The following VSX2 variants were observed in gnomAD, a reference collection of about 807,000 sequenced individuals.
The protein encoded by VSX2 is visual system homeobox 2.
In VSX2, 28 loss-of-function variants were observed where a neutral mutation model predicts 32.1. That is an observed-to-expected ratio of 0.87 (90% CI 0.65 to 1.20). VSX2 has a LOEUF of 1.20. VSX2 is among the 50% of genes most tolerant of loss of function. The pLI, the probability that VSX2 is intolerant of heterozygous loss-of-function variation, is 0.00. For synonymous variants in VSX2, 243 were observed against 214.1 expected, an observed-to-expected ratio of 1.14 and a Z score of -1.18; for missense variants, 506 against 488.7, an observed-to-expected ratio of 1.04 and a Z score of -0.33.
intron 3 of VSX2, among the ~76,000 whole-genome samples, chr14:74,252,000 C>CA (rs2079231975): frequency 6.6e-6 from 1 of 152,192 alleles, no homozygotes; most frequent in South Asian, 2.1e-4. Flanking sequence ...CTGTCATGCA[C>CA]AATGTCTCCT....
intron 3 of VSX2, among the ~76,000 whole-genome samples, chr14:74,252,353 C>G (rs1231499904): frequency 6.6e-6 from 1 of 151,944 alleles, no homozygotes; most frequent in African/African-American, 2.4e-5. Context: ...CAACTGTGGA[C>G]AGCCACAGTC....
rs115396145 is a variant in VSX2 at position 74,261,180 on chromosome 14, G to T, written c.*261G>T. 2,334 of 540,440 alleles carry T rather than the reference G, an allele frequency of 4.3e-3. 40 individuals carry two copies. Among genetic ancestry groups the T allele is most frequent in the African/African-American group, 0.038 (2,041 of 53,208 alleles). 33.5% of individuals were successfully genotyped at this position (540,440 alleles called of 1,614,324 possible). ...CTTGCTGCCCACAACGTCCCCTCAA[G>T]CCCCTTCTCTCAATCCCTTTGCAAC... On this transcript the variant is annotated 3_prime_UTR_variant, in exon 5 of 5. Coordinates refer to ENST00000261980, the MANE Select transcript of VSX2 (RefSeq NM_182894.3).
At position 74,245,274 on chromosome 14, in the gene VSX2, G is replaced by A. The variant is rs2079185053; in HGVS notation, c.565G>A (p.Glu189Lys). ...EMLAMKTELP[E>K]DRIQVWFQNR... The stretch of plus-strand genomic sequence containing the variant: ...GCTGGCCATGAAAACGGAGCTGCCG[G>A]AAGACAGGATACAGGTAACAGCCCT... The change falls in exon 3 of 5, where the codon GAA becomes AAA. Residue 189 changes from glutamate (E) to lysine (K), a missense_variant. Transcript: ENST00000261980. 6.2e-7 allele frequency: 1 copy of A among 1,613,386 alleles called. No individual in the cohort carries two copies. The highest frequency in any genetic ancestry group is 8.5e-7 in the Non-Finnish European group (1 of 1,179,842).
chr14:74,239,984 C>G, intron 1 of VSX2, 53 bp downstream of exon 1: 1 of 1,537,136 alleles, frequency 6.5e-7, no homozygotes, highest in Admixed American at 2.0e-5. Flanking sequence ...CAGCCGGGAG[C>G]CCCGCGCCGT....
chr14:74,240,232 G>A lies in VSX2; in HGVS notation c.370+301G>A, dbSNP rs115164944. Among the ~76,000 whole-genome samples the A allele has an allele frequency of 5.4e-3, 820 of 152,308 alleles. 10 individuals carry two copies. Among genetic ancestry groups the A allele is most frequent in the African/African-American group, 0.019 (771 of 41,570 alleles). On this transcript the variant is annotated intron_variant, in intron 1 of 4. Transcript: ENST00000261980. ...CACTGAAAACTGGGTTTGGGGTGTC[G>A]GAGCCCGTGGTGCAGAGTCGCCGGC...
chr14:74,244,929 T>TGTGG (rs1555387789), intron 2 of VSX2, among the ~76,000 whole-genome samples: 1 of 38,852 alleles, frequency 2.6e-5, no homozygotes, highest in Non-Finnish European at 6.4e-5. Context: ...TGTGTGTGTG[T>TGTGG]GAAAGAGAGA....
intron 2 of VSX2, among the ~76,000 whole-genome samples, chr14:74,242,409 G>A (rs908313167): frequency 6.6e-6 from 1 of 152,136 alleles, no homozygotes; most frequent in Non-Finnish European, 1.5e-5. Flanking sequence ...TTGGCCCTGG[G>A]AAACTCCACT....
chr14:74,249,421 C>T lies in VSX2; in HGVS notation c.579+4133C>T, dbSNP rs145025162. 2.2e-3 allele frequency among the ~76,000 whole-genome samples: 329 copies of T among 152,256 alleles called. 1 individual carries two copies. The highest frequency in any genetic ancestry group is 7.0e-3 in the African/African-American group (291 of 41,556). On this transcript the variant is annotated intron_variant, in intron 3 of 4. Coordinates refer to ENST00000261980, the MANE Select transcript of VSX2 (RefSeq NM_182894.3). The stretch of plus-strand genomic sequence containing the variant: ...GAGTAGCTGGGACTACAGGTGCCCA[C>T]CACCATGCCTGGCTAATTTTTGTAT...
chr14:74,259,180 G>A (rs1566888198), intron 3 of VSX2, among the ~76,000 whole-genome samples: 1 of 152,232 alleles, frequency 6.6e-6, no homozygotes, highest in Non-Finnish European at 1.5e-5. Flanking sequence ...CTGGCAGAGA[G>A]GAAGCCCTGA....
At chr14:74,247,510 T>C (rs2079200624) in intron 3 of VSX2, among the ~76,000 whole-genome samples, 1 of 152,202 alleles carries the variant, frequency 6.6e-6, no homozygotes, top group Admixed American at 6.5e-5. Flanking sequence ...CGGTGTCAGA[T>C]CTGATCTTAT....
At position 74,260,585 on chromosome 14, in the gene VSX2, T is replaced by G; in HGVS notation, c.761-9T>G. Reference sequence around the variant, plus strand: ...TTTTCTAAACCCGAATACCAACAATTCTTTCTAGGGATGCACAAAAAGTCG... The same window carrying G: ...TTTTCTAAACCCGAATACCAACAATGCTTTCTAGGGATGCACAAAAAGTCG... On this transcript the variant is annotated splice_polypyrimidine_tract_variant and intron_variant, in intron 4 of 4. Coordinates refer to ENST00000261980, the MANE Select transcript of VSX2 (RefSeq NM_182894.3). 6.9e-6 allele frequency: 11 copies of G among 1,595,670 alleles called. No homozygotes were observed. The highest frequency in any genetic ancestry group is 9.4e-6 in the Non-Finnish European group (11 of 1,171,486).
Position 74,260,766 on chromosome 14 carries a change from C to A in VSX2, c.933C>A (p.Ala311=). ...LRENSIAVLR[A]KAQEHSTKVL... Reference sequence around the variant, plus strand: ...AGAACAGCATTGCGGTGCTCCGGGCCAAAGCTCAGGAGCACAGCACCAAAG... The same window carrying A: ...AGAACAGCATTGCGGTGCTCCGGGCAAAAGCTCAGGAGCACAGCACCAAAG... The change falls in exon 5 of 5, where the codon GCC becomes GCA. Residue 311 remains alanine (A), a synonymous_variant. Transcript: ENST00000261980. 1.3e-6 allele frequency: 2 copies of A among 1,586,190 alleles called. No individual in the cohort carries two copies. Among genetic ancestry groups the A allele is most frequent in the Non-Finnish European group, 8.6e-7 (1 of 1,166,478 alleles).
chr14:74,258,660 G>A (rs1487062215), intron 3 of VSX2, among the ~76,000 whole-genome samples: 1 of 152,124 alleles, frequency 6.6e-6, no homozygotes, highest in South Asian at 2.1e-4. Flanking sequence ...TGTCAGCTGC[G>A]GGAAATCTCC....
intron 3 of VSX2, among the ~76,000 whole-genome samples, chr14:74,256,738 A>G (rs1478362910): frequency 7.5e-6 from 1 of 133,520 alleles, no homozygotes; most frequent in Non-Finnish European, 1.5e-5. Flanking sequence ...CAGTGGCACG[A>G]TCTCGGCTCA....
At chr14:74,248,373 C>T (rs2079208223) in intron 3 of VSX2, among the ~76,000 whole-genome samples, 1 of 142,354 alleles carries the variant, frequency 7.0e-6, no homozygotes, top group South Asian at 2.3e-4. Flanking sequence ...AAAAACGAGA[C>T]CCTGTCTTGG....
At chr14:74,244,099 T>A (rs2079168659) in intron 2 of VSX2, among the ~76,000 whole-genome samples, 1 of 152,222 alleles carries the variant, frequency 6.6e-6, no homozygotes, top group African/African-American at 2.4e-5. Context: ...TTTAGCGGTT[T>A]ATTCAAGAAA....
At position 74,262,443 on chromosome 14, in the gene VSX2, C is replaced by G. The variant is rs889757712; in HGVS notation, c.*1524C>G. The G allele has an allele frequency of 6.6e-6, 1 of 151,298 alleles. No homozygotes were observed. Among genetic ancestry groups the G allele is most frequent in the African/African-American group, 2.5e-5 (1 of 40,596 alleles). 9.4% of individuals were successfully genotyped at this position (151,298 alleles called of 1,614,324 possible). A position where few individuals can be genotyped will look rare whatever the true frequency, so the allele number is the denominator to read the frequency against. ...CAGGGAATACCTCGTTAGAGAATGG[C>G]CTGAGACAGTGCGTTGCAACTTTTT... On this transcript the variant is annotated 3_prime_UTR_variant, in exon 5 of 5. Coordinates refer to ENST00000261980, the MANE Select transcript of VSX2 (RefSeq NM_182894.3).
At position 74,239,666 on chromosome 14, in the gene VSX2, G is replaced by A. The variant is rs1328835237; in HGVS notation, c.105G>A (p.Gln35=). The change falls in exon 1 of 5, where the codon CAG becomes CAA. Residue 35 remains glutamine (Q), a synonymous_variant. Transcript: ENST00000261980. ...APARCTGFGI[Q]EILGLNKEPP... The stretch of plus-strand genomic sequence containing the variant: ...CCAGGTGCACTGGGTTCGGCATCCA[G>A]GAGATCCTGGGCTTGAACAAGGAGC... The A allele has an allele frequency of 4.4e-5, 68 of 1,550,496 alleles. No homozygotes were observed. Among genetic ancestry groups the A allele is most frequent in the Non-Finnish European group, 5.8e-5 (67 of 1,146,936 alleles).
Position 74,239,840 on chromosome 14 carries a change from C to A in VSX2, c.279C>A (p.Phe93Leu), listed in dbSNP as rs1338791222. Residue 93 changes from phenylalanine (F) to leucine (L), a missense_variant, in exon 1 of 5, where the codon TTC becomes TTA. Coordinates refer to ENST00000261980, the MANE Select transcript of VSX2 (RefSeq NM_182894.3). ...GLPGFYTQPT[F>L]LEVLSDPQSV... is the part of the protein sequence containing the mutation. ...CTGGCTTCTACACGCAGCCCACCTT[C>A]CTGGAAGTGCTGTCCGACCCGCAGA... 6.3e-7 allele frequency: 1 copy of A among 1,578,096 alleles called. No individual in the cohort carries two copies. Among genetic ancestry groups the A allele is most frequent in the Admixed American group, 1.8e-5 (1 of 54,538 alleles).
Sources: allele counts gnomAD v4.1 joint callset (sites outside exome capture counted in the v4.1 genomes callset), GRCh38; gene constraint gnomAD v4.1.1; transcripts MANE v1.5; gene names NCBI Gene and HGNC (gene_info 2026-07-23, HGNC 2026-07-21).